CMTM2: variants seen among roughly 807,000 people sequenced by gnomAD.
The protein encoded by CMTM2 is CKLF like MARVEL transmembrane domain containing 2, also known as CKLF-like MARVEL transmembrane domain-containing protein 2.
CMTM2 carries 15 observed loss-of-function variants against 16.8 expected under a neutral mutation model. That is an observed-to-expected ratio of 0.89 (90% CI 0.60 to 1.37). The LOEUF (loss-of-function observed/expected upper bound fraction) is 1.37, where lower values mean the gene tolerates loss of function less well. Among genes scored for constraint, CMTM2 ranks in the 40% most tolerant of loss-of-function variants. The pLI is 0.00. For synonymous variants in CMTM2, 117 were observed against 118.7 expected (o/e 0.99, Z 0.09); for missense variants, 282 against 318.0 (o/e 0.89, Z 0.86).
rs1567382711 is a variant in CMTM2, at chr16:66,580,048, T to C, written c.308T>C (p.Ile103Thr). The change falls in exon 2 of 4, where the codon ATA becomes ACA. Residue 103 changes from isoleucine to threonine, a missense_variant. Coordinates refer to ENST00000268595, the MANE Select transcript of CMTM2 (RefSeq NM_144673.3). The part of the protein sequence containing the change: ...RSLGCLIAAM[I>T]LLSSLTVHPI... ...CAGGGCTGCCTAATAGCTGCAATGA[T>C]ACTGTTGTCCTCACTCACCGTGCAC... 6.2e-7 allele frequency: 1 copy of C among 1,614,070 alleles called. No homozygotes were observed. Among genetic ancestry groups the C allele is most frequent in the Non-Finnish European group, 8.5e-7 (1 of 1,180,040 alleles).
chr16:66,579,988 C>T lies in CMTM2; in HGVS notation c.286-38C>T, dbSNP rs768778425. ...GGGTCCTCAGAGAGATGGTGAAAGGCCCTTGCTGCTGGCTCAGGTGTCTAT... is the reference window on the plus strand; with the variant it reads ...GGGTCCTCAGAGAGATGGTGAAAGGTCCTTGCTGCTGGCTCAGGTGTCTAT... On this transcript the variant is annotated intron_variant, in intron 1 of 3. Transcript: ENST00000268595. The surrounding 1 kb of genome is among the most constrained non-coding windows in gnomAD (Gnocchi z 6.5). 1.7e-5 allele frequency: 28 copies of T among 1,613,264 alleles called. No homozygotes were observed. The highest frequency in any genetic ancestry group is 2.1e-5 in the Non-Finnish European group (25 of 1,179,594).
At chr16:66,586,797 T>C (rs946905888) in intron 2 of CMTM2, 200 bp from the exon 3 acceptor site, 5 of 564,548 alleles carry the variant, frequency 8.9e-6, no homozygotes, top group East Asian at 8.7e-5. Context: ...TCCTGGACTT[T>C]TTAGGTTTCA....
rs1429499196 is a variant in CMTM2 at position 66,579,760 on chromosome 16, A to G, written c.153A>G (p.Lys51=). ...AVQDHKEPSD[K]PQKAVQPKHE... is the part of the protein sequence containing the mutation. ...AGGACCATAAGGAGCCATCGGACAA[A>G]CCTCAAAAGGCGGTGCAGCCCAAGC... Residue 51 remains lysine, a synonymous_variant, in exon 1 of 4, where the codon AAA becomes AAG. Coordinates refer to ENST00000268595, the MANE Select transcript of CMTM2 (RefSeq NM_144673.3). This position sits in a 1 kb window ranked among gnomAD's most constrained non-coding sequence, Gnocchi z 6.5. 1.9e-6 allele frequency: 3 copies of G among 1,613,916 alleles called. No individual in the cohort carries two copies. The highest frequency in any genetic ancestry group is 2.5e-6 in the Non-Finnish European group (3 of 1,180,012).
chr16:66,579,599 G>T lies in CMTM2; in HGVS notation c.-9G>T. 6.2e-7 allele frequency: 1 copy of T among 1,613,746 alleles called. No individual in the cohort carries two copies. Among genetic ancestry groups the T allele is most frequent in the Non-Finnish European group, 8.5e-7 (1 of 1,179,950 alleles). On this transcript the variant is annotated 5_prime_UTR_variant, in exon 1 of 4. Coordinates refer to ENST00000268595, the MANE Select transcript of CMTM2 (RefSeq NM_144673.3). The surrounding 1 kb of genome is among the most constrained non-coding windows in gnomAD (Gnocchi z 6.5). ...CCAGCTGTGAGAAGCCAAGGACACC[G>T]AGTCAGTCATGGCACCTAAGGCGGC...
At chr16:66,586,077 G>A (rs2014789086) in intron 2 of CMTM2, among the ~76,000 whole-genome samples, 1 of 152,166 alleles carries the variant, frequency 6.6e-6, no homozygotes, top group Non-Finnish European at 1.5e-5. Flanking sequence ...TATGGGGAGG[G>A]CGAGACTGAA....
At chr16:66,587,876 T>G (rs2014813027) in intron 3 of CMTM2, 43 bp from the exon 4 acceptor site, 2 of 1,603,022 alleles carry the variant, frequency 1.2e-6, no homozygotes, top group Admixed American at 1.7e-5. Flanking sequence ...TCACCACCTT[T>G]GGAATGAAAA....
intron 2 of CMTM2, among the ~76,000 whole-genome samples, chr16:66,583,422 G>A (rs1356109683): frequency 6.6e-6 from 1 of 151,950 alleles, no homozygotes; most frequent in Non-Finnish European, 1.5e-5. Context: ...AACCCAGGAG[G>A]CAGAGGTTGC....
At chr16:66,582,853 G>A (rs1295016377) in intron 2 of CMTM2, among the ~76,000 whole-genome samples, 11 of 152,070 alleles carry the variant, frequency 7.2e-5, no homozygotes, top group African/African-American at 2.4e-4. Flanking sequence ...CAGCCTGGGC[G>A]ACAGAGTGAG....
At chr16:66,581,136 T>C (rs1168628255) in intron 2 of CMTM2, among the ~76,000 whole-genome samples, 1 of 151,864 alleles carries the variant, frequency 6.6e-6, no homozygotes, top group African/African-American at 2.4e-5. Context: ...TGCCTTCTTG[T>C]TAAAAACTAT....
At chr16:66,583,988 TA>T in intron 2 of CMTM2, among the ~76,000 whole-genome samples, 1 of 152,306 alleles carries the variant, frequency 6.6e-6, no homozygotes, top group Non-Finnish European at 1.5e-5. Context: ...AGGAGGTAGT[TA>T]AGGTTAAATG....
At chr16:66,580,248 G>T in intron 2 of CMTM2, 64 bp downstream of exon 2, 1 of 1,558,536 alleles carries the variant, frequency 6.4e-7, no homozygotes, top group Non-Finnish European at 8.8e-7. Context: ...CTTGGCACCT[G>T]GAAAGTCACC....
chr16:66,585,621 G>A (rs1008991256), intron 2 of CMTM2, among the ~76,000 whole-genome samples: 1 of 152,156 alleles, frequency 6.6e-6, no homozygotes, highest in African/African-American at 2.4e-5. Flanking sequence ...AGGGAGGCAT[G>A]AGGGACAGGA....
rs2144707625 is a variant in CMTM2 at position 66,588,240 on chromosome 16, G to T, written c.*121G>T. 1.1e-6 allele frequency: 1 copy of T among 874,552 alleles called. No homozygotes were observed. The highest frequency in any genetic ancestry group is 2.7e-5 in the Admixed American group (1 of 37,030). The allele number at this position is 874,552 out of a possible 1,614,324, so 54.2% of individuals were successfully genotyped here. ...TCCATTTTCATTACCACCTTTGCTT[G>T]GAAAAGAATGGATTAATGGATTCTA... On this transcript the variant is annotated 3_prime_UTR_variant, in exon 4 of 4. Transcript: ENST00000268595.
In CMTM2 at chr16:66,588,049, G is replaced by A; in HGVS notation, c.677G>A (p.Gly226Asp). 1 of 1,613,726 alleles carries A rather than the reference G, an allele frequency of 6.2e-7. No homozygotes were observed. The highest frequency in any genetic ancestry group is 8.5e-7 in the Non-Finnish European group (1 of 1,180,042). The change falls in exon 4 of 4, where the codon GGC becomes GAC. Residue 226 changes from glycine to aspartate, a missense_variant. Transcript: ENST00000268595. ...PPGKEKGPQQ[G>D]KGPEPAKPPE... is the part of the protein sequence containing the mutation. ...GGAAAGGAAAAAGGACCCCAGCAGG[G>A]CAAGGGACCAGAACCCGCCAAGCCA...
chr16:66,587,041 C>G lies in CMTM2; in HGVS notation c.489C>G (p.Ala163=), dbSNP rs575295259. The G allele has an allele frequency of 6.2e-7, 1 of 1,614,086 alleles. No homozygotes were observed. Among genetic ancestry groups the G allele is most frequent in the African/African-American group, 1.3e-5 (1 of 75,018 alleles). Residue 163 remains alanine, a synonymous_variant, in exon 3 of 4, where the codon GCC becomes GCG. Transcript: ENST00000268595. ...TTGCTTGTGCGTTCCTTGTGGGAGC[C>G]GTGGTCTTTGCTGTGAGAAGTCGGC... is the stretch of plus-strand genomic sequence containing the variant. The part of the protein sequence containing the change: ...DLIACAFLVG[A]VVFAVRSRRS...
chr16:66,580,812 C>G (rs949466647), intron 2 of CMTM2: 1 of 152,442 alleles, frequency 6.6e-6, no homozygotes, highest in African/African-American at 2.4e-5. Flanking sequence ...AACTGACATT[C>G]AATCCTGAGG....
At chr16:66,581,380 C>A (rs2014734574) in intron 2 of CMTM2, among the ~76,000 whole-genome samples, 1 of 152,026 alleles carries the variant, frequency 6.6e-6, no homozygotes, top group Admixed American at 6.6e-5. Context: ...CCTAAAAATA[C>A]CAGGGGAAAT....
At chr16:66,583,566 A>C (rs1179274658) in intron 2 of CMTM2, among the ~76,000 whole-genome samples, 1 of 152,188 alleles carries the variant, frequency 6.6e-6, no homozygotes, top group Non-Finnish European at 1.5e-5. Flanking sequence ...GAATAAACCT[A>C]CTGAAAGATG....
chr16:66,587,813 T>A, intron 3 of CMTM2, 106 bp from the exon 4 acceptor site: 1 of 1,111,346 alleles, frequency 9.0e-7, no homozygotes, highest in Non-Finnish European at 1.3e-6. Flanking sequence ...TGAGGGGACA[T>A]GGGGGATGTG....
Sources: allele counts gnomAD v4.1 joint callset (sites outside exome capture counted in the v4.1 genomes callset), GRCh38; gene constraint gnomAD v4.1.1; non-coding constraint Gnocchi (gnomAD v3.1); transcripts MANE v1.5; gene names NCBI Gene and HGNC (gene_info 2026-07-23, HGNC 2026-07-21).